ATP11C: variants seen among roughly 807,000 people sequenced by gnomAD.
ATP11C encodes phospholipid-transporting ATPase IG.
A neutral mutation model predicts 97.4 loss-of-function variants in ATP11C; 36 were observed. The ratio of observed to expected loss-of-function variants is 0.37; its 90% CI spans 0.28 to 0.49. The LOEUF (loss-of-function observed/expected upper bound fraction) is 0.49. Ranked by LOEUF, ATP11C falls within the 20% of genes least tolerant of loss-of-function variation. The probability of loss-of-function intolerance (pLI) is 0.98; values close to 1 mark genes in which losing one functional copy is unlikely to be tolerated. For synonymous variants in ATP11C, 275 were observed against 290.9 expected (o/e 0.95, Z 0.56); for missense variants, 730 against 824.6 (o/e 0.89, Z 1.40).
At position 139,790,462 on chromosome X, in the gene ATP11C, A is replaced by T. The variant is rs201683380; in HGVS notation, c.1207-974T>A. On this transcript the variant is annotated intron_variant, in intron 12 of 29. Coordinates refer to ENST00000682941, the MANE Select transcript of ATP11C (RefSeq NM_001353812.2). ...CCACTTATTTCTCTCTCTCTCTCTC[A>T]CTCACACACACACACACACACACAC... Among the ~76,000 whole-genome samples the T allele has an allele frequency of 1.2e-4, 11 of 88,598 alleles. No individual in the cohort carries two copies. In the East Asian group the frequency reaches 4.2e-3, roughly 34 times the overall value. 76.9% of individuals were successfully genotyped at this position (88,598 alleles called of 115,157 possible). A position where few individuals can be genotyped will look rare whatever the true frequency, so the allele number is the denominator to read the frequency against.
intron 24 of ATP11C, among the ~76,000 whole-genome samples, chrX:139,747,209 A>G (rs1834397219): frequency 1.8e-5 from 2 of 111,926 alleles, no homozygotes; most frequent in Non-Finnish European, 1.9e-5. Context: ...GTGCCCAACA[A>G]CTGCCAGCCA....
chrX:139,798,468 T>A, intron 9 of ATP11C, 114 bp from the exon 10 acceptor site: 1 of 545,452 alleles, frequency 1.8e-6, no homozygotes, highest in South Asian at 3.4e-5. Context: ...CCTCTTCCAC[T>A]CACCAGTTGT....
At chrX:139,817,942 G>A (rs868517831) in intron 3 of ATP11C, among the ~76,000 whole-genome samples, 2 of 111,253 alleles carry the variant, frequency 1.8e-5, no homozygotes, top group African/African-American at 3.3e-5. Context: ...CTCCCAACTC[G>A]TTGACTCTCA....
chrX:139,854,881 G>A (rs2084064922), intron 1 of ATP11C, among the ~76,000 whole-genome samples: 1 of 111,877 alleles, frequency 8.9e-6, no homozygotes, highest in African/African-American at 3.2e-5. Context: ...GGCTAAGGTT[G>A]AAAGGGTATC....
chrX:139,857,229 C>A (rs759645880), intron 1 of ATP11C, among the ~76,000 whole-genome samples: 2 of 111,347 alleles, frequency 1.8e-5, no homozygotes, highest in East Asian at 5.6e-4. Context: ...TCCACCTTAT[C>A]CAGAGAAGCT....
intron 5 of ATP11C, among the ~76,000 whole-genome samples, chrX:139,810,867 GTTT>G (rs61703129): frequency 1.1e-5 from 1 of 89,082 alleles, no homozygotes; most frequent in African/African-American, 4.1e-5. Flanking sequence ...TAAATTCAGA[GTTT>G]TTTTTTTTTT....
At chrX:139,919,338 C>T (rs976195397) in intron 1 of ATP11C, among the ~76,000 whole-genome samples, 13 of 108,283 alleles carry the variant, frequency 1.2e-4, no homozygotes, top group African/African-American at 4.0e-4. Flanking sequence ...TGCGTGGTGG[C>T]GGGCACCTGT....
intron 19 of ATP11C, among the ~76,000 whole-genome samples, chrX:139,771,499 G>A (rs1972997335): frequency 8.9e-6 from 1 of 111,832 alleles, no homozygotes; most frequent in Non-Finnish European, 1.9e-5. Flanking sequence ...GGCTGGGACA[G>A]TTTGGAGGGC....
intron 19 of ATP11C, among the ~76,000 whole-genome samples, chrX:139,769,810 A>C (rs2082218119): frequency 9.0e-6 from 1 of 111,092 alleles, no homozygotes; most frequent in Non-Finnish European, 1.9e-5. Flanking sequence ...GAATCTTCTT[A>C]AACTGCAAAT....
chrX:139,931,482 A>G (rs1242592270), intron 1 of ATP11C, among the ~76,000 whole-genome samples: 6 of 111,929 alleles, frequency 5.4e-5, no homozygotes, highest in Non-Finnish European at 9.4e-5. Context: ...CTGGGTCTCC[A>G]AAGTTTGCCC....
chrX:139,921,375 C>T (rs146495278), intron 1 of ATP11C, among the ~76,000 whole-genome samples: 1 of 111,241 alleles, frequency 9.0e-6, no homozygotes, highest in East Asian at 2.8e-4. Context: ...CCTCTTCCCC[C>T]CTTCACTCGG....
At chrX:139,925,348 C>T (rs1185819189) in intron 1 of ATP11C, among the ~76,000 whole-genome samples, 1 of 109,848 alleles carries the variant, frequency 9.1e-6, no homozygotes, top group Non-Finnish European at 1.9e-5. Context: ...TGCAATGGCA[C>T]GATCTCGGCT....
At chrX:139,751,950 A>G (rs552918339) in intron 23 of ATP11C, among the ~76,000 whole-genome samples, 126 of 111,581 alleles carry the variant, frequency 1.1e-3, no homozygotes, top group South Asian at 3.5e-3. Flanking sequence ...TGACTACTCA[A>G]AGGTACTCCA....
Position 139,813,319 on chromosome X carries a change from G to A in ATP11C, c.426+1559C>T, listed in dbSNP as rs111534182. On this transcript the variant is annotated intron_variant, in intron 5 of 29. Coordinates refer to ENST00000682941, the MANE Select transcript of ATP11C (RefSeq NM_001353812.2). ...GGAACAACAAGAACTCCCATTCATT[G>A]TTGGTGAGAATGCAAAATGATACAG... Among the ~76,000 whole-genome samples, 1,071 of 112,176 alleles carry A rather than the reference G, an allele frequency of 9.5e-3. 22 individuals carry two copies. Among genetic ancestry groups the A allele is most frequent in the African/African-American group, 0.033 (1,032 of 30,854 alleles).
chrX:139,911,008 C>T (rs1224332685), intron 1 of ATP11C, among the ~76,000 whole-genome samples: 2 of 110,811 alleles, frequency 1.8e-5, no homozygotes, highest in East Asian at 2.8e-4. Flanking sequence ...AAATAATTTG[C>T]AAAATGTTAA....
chrX:139,920,350 CAAAA>C (rs765081033), intron 1 of ATP11C, among the ~76,000 whole-genome samples: 2 of 56,767 alleles, frequency 3.5e-5, no homozygotes, highest in East Asian at 5.3e-4. Context: ...GACTCCACCT[CAAAA>C]AAAAAAAAAA....
intron 22 of ATP11C, among the ~76,000 whole-genome samples, chrX:139,759,410 A>G (rs1287023706): frequency 8.9e-6 from 1 of 112,421 alleles, no homozygotes; most frequent in African/African-American, 3.2e-5. Flanking sequence ...AAGAATGTAT[A>G]TATTTTAAAC....
chrX:139,865,966 A>G (rs1458428158), intron 1 of ATP11C, among the ~76,000 whole-genome samples: 1 of 111,426 alleles, frequency 9.0e-6, no homozygotes, highest in East Asian at 2.8e-4. Flanking sequence ...TACTTTTTCA[A>G]TGTTTACCAC....
chrX:139,762,222 C>CT (rs1183221262), intron 21 of ATP11C, 116 bp from the exon 22 acceptor site: 33 of 632,186 alleles, frequency 5.2e-5, no homozygotes, highest in Non-Finnish European at 7.5e-5. Context: ...ATTAGTTTTC[C>CT]TTTTTTAAAA....
Sources: allele counts gnomAD v4.1 joint callset (sites outside exome capture counted in the v4.1 genomes callset), GRCh38; gene constraint gnomAD v4.1.1; transcripts MANE v1.5; gene names NCBI Gene and HGNC (gene_info 2026-07-23, HGNC 2026-07-21).